Variants in KIAA1549L observed in about 807,000 individuals in gnomAD.
KIAA1549L encodes KIAA1549 like, also known as UPF0606 protein KIAA1549L.
In KIAA1549L, 88 loss-of-function variants were observed where a neutral mutation model predicts 160.7. The observed-to-expected ratio is 0.55, with a 90% CI of 0.46 to 0.65. The LOEUF is 0.65. KIAA1549L is among the 30% of genes least tolerant of loss of function. The pLI, the probability that KIAA1549L is intolerant of heterozygous loss-of-function variation, is 0.00. For missense variants in KIAA1549L, 2,258 were observed against 2,437.5 expected, an observed-to-expected ratio of 0.93 and a Z score of 1.55; for synonymous variants, 950 against 976.7, an observed-to-expected ratio of 0.97 and a Z score of 0.51.
chr11:33,663,289 G>A (rs1167030786), intron 20 of KIAA1549L, among the ~76,000 whole-genome samples: 1 of 152,186 alleles, frequency 6.6e-6, no homozygotes, highest in Non-Finnish European at 1.5e-5. Context: ...AGGATTGGGA[G>A]GGGCTTCCAG....
intron 3 of KIAA1549L, among the ~76,000 whole-genome samples, 154 bp downstream of exon 3, chr11:33,545,532 A>G (rs183645159): frequency 5.3e-5 from 8 of 152,320 alleles, no homozygotes; most frequent in Non-Finnish European, 8.8e-5. Flanking sequence ...TTTGGTTGTT[A>G]TGCTTGATGG....
intron 6 of KIAA1549L, among the ~76,000 whole-genome samples, chr11:33,558,273 G>C (rs1043303411): frequency 6.6e-6 from 1 of 152,170 alleles, no homozygotes; most frequent in Non-Finnish European, 1.5e-5. Context: ...GAGTGGGCAG[G>C]CTCTGGGCAA....
rs3818052 is a variant in KIAA1549L at position 33,659,172 on chromosome 11, T to G, written c.6007+274T>G. Among the ~76,000 whole-genome samples, 1,631 of 152,338 alleles carry G rather than the reference T, an allele frequency of 0.011. 76 individuals carry two copies. In the East Asian group the frequency reaches 0.16, roughly 15 times the overall value. On this transcript the variant is annotated intron_variant, in intron 19 of 20. Coordinates refer to ENST00000658780, the MANE Select transcript of KIAA1549L (RefSeq NM_012194.3). ...GACTTCAGTTCAATTTTTTTGGTTT[T>G]GTCTTTAAAGCATTCCAGATACAGC... is the stretch of plus-strand genomic sequence containing the variant.
chr11:33,455,681 C>T (rs949212282), intron 1 of KIAA1549L, among the ~76,000 whole-genome samples: 9 of 152,146 alleles, frequency 5.9e-5, no homozygotes, highest in African/African-American at 2.2e-4. Context: ...GAAAAATTAT[C>T]TGAAAACATG....
intron 1 of KIAA1549L, among the ~76,000 whole-genome samples, chr11:33,393,065 C>G (rs1387615751): frequency 6.6e-6 from 1 of 152,190 alleles, no homozygotes; most frequent in African/African-American, 2.4e-5. Flanking sequence ...CGGCCCAAAC[C>G]TTTTGTCGGC....
intron 8 of KIAA1549L, among the ~76,000 whole-genome samples, chr11:33,567,109 C>T (rs1406021155): frequency 6.6e-6 from 1 of 152,092 alleles, no homozygotes; most frequent in Non-Finnish European, 1.5e-5. Flanking sequence ...TCCTGAAAAC[C>T]CTCCTCCCTG....
intron 1 of KIAA1549L, among the ~76,000 whole-genome samples, chr11:33,530,427 AAAAAAAAAAATATAT>A (rs1370992320): frequency 1.6e-4 from 7 of 44,076 alleles, no homozygotes; most frequent in African/African-American, 2.7e-4. Flanking sequence ...AAAAAAAAAA[AAAAAAAAAAATATAT>A]ATATATATAT....
At chr11:33,430,097 C>T (rs550059735) in intron 1 of KIAA1549L, among the ~76,000 whole-genome samples, 74 of 137,956 alleles carry the variant, frequency 5.4e-4, no homozygotes, top group Non-Finnish European at 8.4e-4. Context: ...CCTCTCTCCT[C>T]CCTCCCTCCA....
At chr11:33,492,102 C>T (rs765990011) in intron 1 of KIAA1549L, among the ~76,000 whole-genome samples, 3 of 152,128 alleles carry the variant, frequency 2.0e-5, no homozygotes, top group Non-Finnish European at 2.9e-5. Context: ...TGCGATGGCT[C>T]ATGCCTGTAA....
rs370815571 is a variant in KIAA1549L, at chr11:33,667,914, G to T, written c.6201G>T (p.Arg2067=). The change falls in exon 21 of 21, where the codon CGG becomes CGT. Residue 2067 remains arginine (R), a synonymous_variant. Transcript: ENST00000658780. ...PGYIEAYPRS[R]YPQSSPSRLP... ...ACATCGAGGCCTACCCCCGATCACGGTACCCCCAGAGCTCTCCCTCCAGGC... is the reference window on the plus strand; with the variant it reads ...ACATCGAGGCCTACCCCCGATCACGTTACCCCCAGAGCTCTCCCTCCAGGC... 1 of 1,613,442 alleles carries T rather than the reference G, an allele frequency of 6.2e-7. No homozygotes were observed. Among genetic ancestry groups the T allele is most frequent in the East Asian group, 2.2e-5 (1 of 44,846 alleles).
chr11:33,581,099 G>T (rs1159203891), intron 10 of KIAA1549L, among the ~76,000 whole-genome samples: 1 of 152,174 alleles, frequency 6.6e-6, no homozygotes, highest in Non-Finnish European at 1.5e-5. Context: ...CAGAAGAGCG[G>T]CCATGGTCAC....
intron 1 of KIAA1549L, among the ~76,000 whole-genome samples, chr11:33,481,554 C>T (rs550383220): frequency 1.3e-5 from 2 of 152,262 alleles, no homozygotes; most frequent in East Asian, 3.9e-4. Context: ...TTGTGTTACT[C>T]CTGATATGTC....
Position 33,543,161 on chromosome 11 carries a change from G to T in KIAA1549L, c.1598G>T (p.Gly533Val), listed in dbSNP as rs1854092312. Reference protein sequence around the residue: ...MPTLPAEGSDGSPPATRDLLL... With the variant: ...MPTLPAEGSDVSPPATRDLLL... ...ACTCTTCCAGCAGAGGGCAGTGATGGGTCCCCTCCTGCAACTAGAGACTTG... is the reference window on the plus strand; with the variant it reads ...ACTCTTCCAGCAGAGGGCAGTGATGTGTCCCCTCCTGCAACTAGAGACTTG... Residue 533 changes from glycine (G) to valine (V), a missense_variant, in exon 2 of 21, where the codon GGG (glycine) becomes GTG (valine). Coordinates refer to ENST00000658780, the MANE Select transcript of KIAA1549L (RefSeq NM_012194.3). The T allele has an allele frequency of 6.2e-7, 1 of 1,613,680 alleles. No homozygotes were observed. The highest frequency in any genetic ancestry group is 1.7e-5 in the Admixed American group (1 of 60,000).
rs546699527 is a variant in KIAA1549L, at chr11:33,588,593, G to A, written c.4567-2644G>A. ...GTCAGCTTCCAGAAACATTTCAGAC[G>A]TTGAATCTAATTGGTGACCAATTGA... is the stretch of plus-strand genomic sequence containing the variant. On this transcript the variant is annotated intron_variant, in intron 11 of 20. Coordinates refer to ENST00000658780, the MANE Select transcript of KIAA1549L (RefSeq NM_012194.3). Among the ~76,000 whole-genome samples, 7 of 152,310 alleles carry A rather than the reference G, an allele frequency of 4.6e-5. No individual in the cohort carries two copies. In the East Asian group the frequency reaches 7.7e-4, roughly 17 times the overall value.
At chr11:33,579,188 A>G (rs1441421864) in intron 10 of KIAA1549L, among the ~76,000 whole-genome samples, 3 of 152,116 alleles carry the variant, frequency 2.0e-5, no homozygotes, top group African/African-American at 7.2e-5. Context: ...ACACCTCCCT[A>G]AGAGAGCTAC....
At chr11:33,413,685 ATTTG>A (rs1482675239) in intron 1 of KIAA1549L, among the ~76,000 whole-genome samples, 4 of 152,158 alleles carry the variant, frequency 2.6e-5, no homozygotes, top group African/African-American at 7.2e-5. Context: ...ATAAATTATT[ATTTG>A]TTCTTATGAA....
intron 7 of KIAA1549L, among the ~76,000 whole-genome samples, chr11:33,560,893 G>C (rs1162543830): frequency 6.6e-6 from 1 of 152,194 alleles, no homozygotes; most frequent in African/African-American, 2.4e-5. Context: ...AATAAGGAAA[G>C]ATGACTCTGG....
intron 1 of KIAA1549L, among the ~76,000 whole-genome samples, chr11:33,397,045 G>A (rs568066359): frequency 1.3e-4 from 19 of 150,376 alleles, no homozygotes; most frequent in Non-Finnish European, 2.2e-4. Context: ...AAGTGAAAAC[G>A]TTTTAGGTTG....
At chr11:33,427,496 C>G (rs1851142886) in intron 1 of KIAA1549L, among the ~76,000 whole-genome samples, 1 of 152,124 alleles carries the variant, frequency 6.6e-6, no homozygotes, top group African/African-American at 2.4e-5. Context: ...GCCATGCATC[C>G]CCCTTCGCTG....
Sources: gnomAD v4.1 joint callset for allele counts (sites outside exome capture counted in the v4.1 genomes callset) on GRCh38, gnomAD v4.1.1 for gene constraint, MANE v1.5 for transcripts, NCBI Gene and HGNC (gene_info 2026-07-23, HGNC 2026-07-21) for gene names.